The following PRPF39 variants were observed in gnomAD, a reference collection of about 807,000 sequenced individuals.
PRPF39 encodes the protein pre-mRNA-processing factor 39.
PRPF39 carries 27 observed loss-of-function variants against 82.1 expected under a neutral mutation model. The observed-to-expected ratio is 0.33, with a 90% CI of 0.24 to 0.45. The LOEUF is 0.45. Ranked by LOEUF, PRPF39 falls within the 20% of genes least tolerant of loss-of-function variation. The pLI is 1.00. For missense variants in PRPF39, 581 were observed against 796.9 expected, an observed-to-expected ratio of 0.73 and a Z score of 3.26; for synonymous variants, 261 against 256.4, an observed-to-expected ratio of 1.02 and a Z score of -0.17.
At chr14:45,102,729 T>G (rs1248275820) in intron 5 of PRPF39, 33 bp downstream of exon 5, 2 of 1,512,268 alleles carry the variant, frequency 1.3e-6, no homozygotes. Flanking sequence ...TGAAACATCT[T>G]TGATTACTCA....
chr14:45,103,238 CTTTTA>C (rs1209577676), intron 5 of PRPF39, among the ~76,000 whole-genome samples: 1 of 151,948 alleles, frequency 6.6e-6, no homozygotes, highest in African/African-American at 2.4e-5. Flanking sequence ...AATTGGTATC[CTTTTA>C]TTTTAATGAT....
intron 2 of PRPF39, 82 bp from the exon 3 acceptor site, chr14:45,096,021 G>T: frequency 8.2e-7 from 1 of 1,218,348 alleles, no homozygotes; most frequent in Non-Finnish European, 1.1e-6. Context: ...TATTTTTTTA[G>T]ATAATAACGT....
Position 45,110,671 on chromosome 14 carries a change from C to G in PRPF39, c.1426C>G (p.His476Asp), listed in dbSNP as rs1338120538. 1 of 1,576,438 alleles carries G rather than the reference C, an allele frequency of 6.3e-7. No individual in the cohort carries two copies. Among genetic ancestry groups the G allele is most frequent in the East Asian group, 2.3e-5 (1 of 43,410 alleles). Reference sequence around the variant, plus strand: ...GCATGGAAATCTGGAAGAAGCTGAACATTTGCTTCAGGATGCCATTAAGAA... The same window carrying G: ...GCATGGAAATCTGGAAGAAGCTGAAGATTTGCTTCAGGATGCCATTAAGAA... ...RRHGNLEEAEHLLQDAIKNAK... is the reference protein window; with the variant it reads ...RRHGNLEEAEDLLQDAIKNAK... The change falls in exon 10 of 14, where the codon CAT becomes GAT. Residue 476 changes from histidine (H) to aspartate (D), a missense_variant. Physicochemically the swap from His to Asp is moderately conservative, Grantham distance 81. Transcript: ENST00000355765. The surrounding 1 kb of genome is among the most constrained non-coding windows in gnomAD (Gnocchi z 4.0).
intron 5 of PRPF39, among the ~76,000 whole-genome samples, chr14:45,104,431 GT>G (rs958698784): frequency 1.9e-4 from 28 of 146,270 alleles, no homozygotes; most frequent in Non-Finnish European, 3.6e-4. Flanking sequence ...TGAATGTTTT[GT>G]TTTTTTTTTC....
intron 5 of PRPF39, among the ~76,000 whole-genome samples, chr14:45,105,524 ACTT>A (rs1305025085): frequency 1.4e-5 from 2 of 143,110 alleles, no homozygotes; most frequent in Admixed American, 7.0e-5. Flanking sequence ...TTATTTATAT[ACTT>A]TTTTTTTTTT....
At position 45,114,612 on chromosome 14, in the gene PRPF39, C is replaced by T; in HGVS notation, c.1951C>T (p.Gln651Ter). The change falls in exon 13 of 14, where the codon CAA becomes TAA. Residue 651 changes from glutamine (Q) to a stop codon, truncating the protein, a stop_gained and splice_region_variant. Coordinates refer to ENST00000355765, the MANE Select transcript of PRPF39 (RefSeq NM_017922.4). LOFTEE classifies it high-confidence loss of function. ...TGTATATAATTATAGTGCGTGGTAT[C>T]AAGTGAGTCTGCATAATTATAATTC... The part of the protein sequence containing the change: ...QAVYNYSAWY[Q>*]YNYQNPWNYG... 6.2e-7 allele frequency: 1 copy of T among 1,606,696 alleles called. No individual in the cohort carries two copies. Among genetic ancestry groups the T allele is most frequent in the Non-Finnish European group, 8.5e-7 (1 of 1,177,516 alleles).
intron 1 of PRPF39, among the ~76,000 whole-genome samples, chr14:45,085,202 C>T (rs1883783317): frequency 6.6e-6 from 1 of 152,116 alleles, no homozygotes; most frequent in Non-Finnish European, 1.5e-5. Flanking sequence ...AGGTTTTCCT[C>T]CTCCCTCTAG....
Position 45,107,592 on chromosome 14 carries a change from T to C in PRPF39, c.879T>C (p.Ile293=). The C allele has an allele frequency of 6.4e-7, 1 of 1,552,326 alleles. No individual in the cohort carries two copies. Among genetic ancestry groups the C allele is most frequent in the South Asian group, 1.2e-5 (1 of 84,038 alleles). ...GPPGDDLPSG[I]EDITDPAKLI... Reference sequence around the variant, plus strand: ...CTGGTGATGATCTACCATCGGGAATTGAAGACATAACCGATCCTGCAAAGG... The same window carrying C: ...CTGGTGATGATCTACCATCGGGAATCGAAGACATAACCGATCCTGCAAAGG... The change falls in exon 6 of 14, where the codon ATT becomes ATC. Residue 293 remains isoleucine, a synonymous_variant. Coordinates refer to ENST00000355765, the MANE Select transcript of PRPF39 (RefSeq NM_017922.4).
chr14:45,100,591 T>C (rs1884345479), intron 4 of PRPF39, among the ~76,000 whole-genome samples: 1 of 152,226 alleles, frequency 6.6e-6, no homozygotes, highest in African/African-American at 2.4e-5. Flanking sequence ...CTCCATACTT[T>C]TTTCAGTGTC....
chr14:45,108,463 C>G lies in PRPF39; in HGVS notation c.952C>G (p.Gln318Glu), dbSNP rs1201428359. The G allele has an allele frequency of 6.3e-7, 1 of 1,599,782 alleles. No individual in the cohort carries two copies. Among genetic ancestry groups the G allele is most frequent in the Non-Finnish European group, 8.5e-7 (1 of 1,175,704 alleles). ...NMRHRIIEIH[Q>E]EMFNYNEHEV... Reference sequence around the variant, plus strand: ...GAGACATAGAATCATTGAGATTCATCAAGAAATGTTTAATTATAATGAGCA... The same window carrying G: ...GAGACATAGAATCATTGAGATTCATGAAGAAATGTTTAATTATAATGAGCA... The change falls in exon 7 of 14, where the codon CAA becomes GAA. Residue 318 changes from glutamine (Q) to glutamate (E), a missense_variant. By Grantham distance (29) the Gln-to-Glu change is conservative (BLOSUM62 2). Transcript: ENST00000355765.
intron 1 of PRPF39, among the ~76,000 whole-genome samples, chr14:45,089,228 AG>A (rs1883941502): frequency 1.3e-5 from 2 of 152,158 alleles, no homozygotes; most frequent in East Asian, 3.9e-4. Flanking sequence ...TTATAGTTTT[AG>A]GTTTTACATT....
intron 2 of PRPF39, 128 bp downstream of exon 2, chr14:45,095,691 T>C: frequency 1.6e-6 from 2 of 1,222,024 alleles, no homozygotes; most frequent in Non-Finnish European, 2.2e-6. Context: ...TGAATAACAT[T>C]AGGTAGCTAC....
chr14:45,112,853 G>A (rs934753082), intron 11 of PRPF39, among the ~76,000 whole-genome samples: 1 of 152,164 alleles, frequency 6.6e-6, no homozygotes, highest in Non-Finnish European at 1.5e-5. Flanking sequence ...CAATAAAGAT[G>A]GATGGGATTA....
chr14:45,107,345 TTC>T, intron 5 of PRPF39, 104 bp from the exon 6 acceptor site: 1 of 889,378 alleles, frequency 1.1e-6, no homozygotes, highest in Non-Finnish European at 1.6e-6. Context: ...ATATTTTGGT[TTC>T]TTTTTTAAAT....
Position 45,110,340 on chromosome 14 carries a change from GC to G in PRPF39, c.1303+122del. ...GTTTGGCAAACTTTTTCTCTAAAGG[GC>G]CAGATAGTAAAAGCCACGTGTTCTG... On this transcript the variant is annotated intron_variant, in intron 9 of 13. Coordinates refer to ENST00000355765, the MANE Select transcript of PRPF39 (RefSeq NM_017922.4). This position sits in a 1 kb window ranked among gnomAD's most constrained non-coding sequence, Gnocchi z 4.0. 7.2e-7 allele frequency: 1 copy of G among 1,395,152 alleles called. No homozygotes were observed. The highest frequency in any genetic ancestry group is 9.7e-7 in the Non-Finnish European group (1 of 1,035,612). 86.4% of individuals were successfully genotyped at this position (1,395,152 alleles called of 1,614,324 possible). A position where few individuals can be genotyped will look rare whatever the true frequency, so the allele number is the denominator to read the frequency against.
In PRPF39 at chr14:45,107,483, G is replaced by A. The variant is rs755039428; in HGVS notation, c.770G>A (p.Arg257Lys). 7.7e-6 allele frequency: 12 copies of A among 1,561,074 alleles called. No homozygotes were observed. The highest frequency in any genetic ancestry group is 8.7e-7 in the Non-Finnish European group (1 of 1,147,574). The change falls in exon 6 of 14, where the codon AGA (arginine) becomes AAA (lysine). Residue 257 changes from arginine to lysine, a missense_variant. By Grantham distance (26) the Arg-to-Lys change is conservative. Coordinates refer to ENST00000355765, the MANE Select transcript of PRPF39 (RefSeq NM_017922.4). Reference sequence around the variant, plus strand: ...GAACATGTACAGAATAATTTGCCTAGAGATCTTTTAACTGGTGAACAGTTT... The same window carrying A: ...GAACATGTACAGAATAATTTGCCTAAAGATCTTTTAACTGGTGAACAGTTT... ...FKEHVQNNLPRDLLTGEQFIQ... is the reference protein window; with the variant it reads ...FKEHVQNNLPKDLLTGEQFIQ...
At position 45,095,330 on chromosome 14, in the gene PRPF39, T is replaced by TTCAGTAC; in HGVS notation, c.93_99dup (p.Glu34GlnfsTer3). On this transcript the variant is annotated frameshift_variant, in exon 2 of 14. Transcript: ENST00000355765. LOFTEE classifies it high-confidence loss of function. The stretch of plus-strand genomic sequence containing the variant: ...GGTAGTGGTAGAACATCCTACTGAT[T>TTCAGTAC]TCAGTACTGAGATTATGAACGTTAC... 6.2e-7 allele frequency: 1 copy of TTCAGTAC among 1,613,388 alleles called. No homozygotes were observed. Among genetic ancestry groups the TTCAGTAC allele is most frequent in the East Asian group, 2.2e-5 (1 of 44,868 alleles).
chr14:45,092,186 A>G (rs1011760716), intron 1 of PRPF39, among the ~76,000 whole-genome samples: 4 of 152,196 alleles, frequency 2.6e-5, no homozygotes, highest in Non-Finnish European at 4.4e-5. Context: ...GAGATTAACT[A>G]TATTGCTGCT....
rs768247992 is a variant in PRPF39 at position 45,114,953 on chromosome 14, A to G, written c.*40A>G. 6 of 1,490,276 alleles carry G rather than the reference A, an allele frequency of 4.0e-6. No individual in the cohort carries two copies. In the Admixed American group the frequency reaches 5.1e-5, roughly 13 times the overall value. 92.3% of individuals were successfully genotyped at this position (1,490,276 alleles called of 1,614,324 possible). Reference sequence around the variant, plus strand: ...ATTTCAAATGCAGTGTGTGAAAAGTATGAAATTATTATTTTTTTTAATGAG... The same window carrying G: ...ATTTCAAATGCAGTGTGTGAAAAGTGTGAAATTATTATTTTTTTTAATGAG... On this transcript the variant is annotated 3_prime_UTR_variant, in exon 14 of 14. Coordinates refer to ENST00000355765, the MANE Select transcript of PRPF39 (RefSeq NM_017922.4).
Sources: allele counts gnomAD v4.1 joint callset (sites outside exome capture counted in the v4.1 genomes callset), GRCh38; gene constraint gnomAD v4.1.1; non-coding constraint Gnocchi (gnomAD v3.1); transcripts MANE v1.5; gene names NCBI Gene and HGNC (gene_info 2026-07-23, HGNC 2026-07-21).